The following CSGALNACT1 variants were observed in gnomAD, a reference collection of about 807,000 sequenced individuals.
The protein encoded by CSGALNACT1 is chondroitin sulfate N-acetylgalactosaminyltransferase 1, also known as beta4GalNAcT-1.
In CSGALNACT1, 52 loss-of-function variants were observed where a neutral mutation model predicts 51.0. The ratio of observed to expected loss-of-function variants is 1.02; its 90% CI spans 0.82 to 1.29. The LOEUF (loss-of-function observed/expected upper bound fraction) is 1.29, where lower values mean the gene tolerates loss of function less well. CSGALNACT1 is among the 50% of genes most tolerant of loss of function. The probability of loss-of-function intolerance (pLI) is 0.00; values close to 1 mark genes in which losing one functional copy is unlikely to be tolerated. For synonymous variants in CSGALNACT1, 341 were observed against 254.4 expected (o/e 1.34, Z -3.24); for missense variants, 935 against 679.2 (o/e 1.38, Z -4.19).
intron 2 of CSGALNACT1, among the ~76,000 whole-genome samples, chr8:19,598,575 T>A (rs886727919): frequency 2.0e-5 from 3 of 152,206 alleles, no homozygotes; most frequent in African/African-American, 7.2e-5. Flanking sequence ...CTTCCAAAAA[T>A]GATTGCGTCA....
chr8:19,713,397 T>C (rs1462074385), intron 1 of CSGALNACT1, among the ~76,000 whole-genome samples: 3 of 152,176 alleles, frequency 2.0e-5, no homozygotes, highest in East Asian at 1.9e-4. Context: ...TAAAGAGGGA[T>C]GAAGACTTAG....
At chr8:19,659,990 C>T (rs1423204218) in intron 1 of CSGALNACT1, among the ~76,000 whole-genome samples, 2 of 152,228 alleles carry the variant, frequency 1.3e-5, no homozygotes, top group East Asian at 3.8e-4. Context: ...AGTTCATTTA[C>T]TACTCTAAGA....
intron 1 of CSGALNACT1, among the ~76,000 whole-genome samples, chr8:19,705,875 AAGC>A (rs759532164): frequency 6.6e-6 from 1 of 152,212 alleles, no homozygotes; most frequent in Non-Finnish European, 1.5e-5. Context: ...ATGCTAGTTA[AAGC>A]TGAATAATCG....
At chr8:19,613,183 C>T (rs1017596900) in intron 1 of CSGALNACT1, among the ~76,000 whole-genome samples, 1 of 151,966 alleles carries the variant, frequency 6.6e-6, no homozygotes. Context: ...ATAATTCTAC[C>T]TATATGTCAG....
chr8:19,600,574 T>C (rs960889843), intron 2 of CSGALNACT1, among the ~76,000 whole-genome samples: 4 of 152,234 alleles, frequency 2.6e-5, no homozygotes, highest in Non-Finnish European at 4.4e-5. Flanking sequence ...CCTGAATTAC[T>C]TAAGCCTCTT....
intron 4 of CSGALNACT1, among the ~76,000 whole-genome samples, chr8:19,502,960 G>C (rs1313049995): frequency 2.9e-5 from 3 of 103,106 alleles, no homozygotes; most frequent in African/African-American, 8.0e-5. Context: ...ATCCCACTTT[G>C]TTCTGAAACA....
intron 4 of CSGALNACT1, among the ~76,000 whole-genome samples, chr8:19,474,269 G>A (rs966432137): frequency 2.0e-5 from 3 of 151,978 alleles, no homozygotes; most frequent in Non-Finnish European, 4.4e-5. Flanking sequence ...TATGTGAAAA[G>A]CACATTTGTA....
intron 1 of CSGALNACT1, among the ~76,000 whole-genome samples, chr8:19,621,863 T>C (rs904792772): frequency 3.3e-5 from 5 of 152,252 alleles, no homozygotes; most frequent in Admixed American, 1.3e-4. Context: ...GTCAGATAAT[T>C]GTTTCTGATA....
At chr8:19,567,515 C>A (rs1456730009) in intron 3 of CSGALNACT1, among the ~76,000 whole-genome samples, 1 of 152,182 alleles carries the variant, frequency 6.6e-6, no homozygotes, top group Non-Finnish European at 1.5e-5. Flanking sequence ...ACAACTCTAC[C>A]ATAGACATTA....
At chr8:19,511,768 A>T (rs1183233855) in intron 3 of CSGALNACT1, among the ~76,000 whole-genome samples, 1 of 152,172 alleles carries the variant, frequency 6.6e-6, no homozygotes, top group Non-Finnish European at 1.5e-5. Context: ...TATAAAGAAA[A>T]GAGGTTTAAT....
At chr8:19,666,805 A>C (rs866239609) in intron 1 of CSGALNACT1, among the ~76,000 whole-genome samples, 1 of 21,100 alleles carries the variant, frequency 4.7e-5, no homozygotes, top group African/African-American at 3.3e-4. Context: ...GAAAGAAAGA[A>C]AGAAAGAGAG....
rs377100659 is a variant in CSGALNACT1, at chr8:19,455,839, G to A, written c.851+2587C>T. Among the ~76,000 whole-genome samples the A allele has an allele frequency of 5.3e-5, 8 of 152,312 alleles. No individual in the cohort carries two copies. In the East Asian group the frequency reaches 1.5e-3, roughly 29 times the overall value. ...TGCATTTGCAGCTTCTGCTATTAGT[G>A]AAAGTAGGCACCGCATCTTCAATTC... is the stretch of plus-strand genomic sequence containing the variant. On this transcript the variant is annotated intron_variant, in intron 5 of 9. Coordinates refer to ENST00000454498, the Ensembl canonical transcript of CSGALNACT1.
chr8:19,705,879 TGAA>T (rs769795897), intron 1 of CSGALNACT1, among the ~76,000 whole-genome samples: 1 of 152,220 alleles, frequency 6.6e-6, no homozygotes, highest in Non-Finnish European at 1.5e-5. Context: ...TAGTTAAAGC[TGAA>T]TAATCGAATG....
intron 3 of CSGALNACT1, among the ~76,000 whole-genome samples, chr8:19,521,753 G>A (rs1207338389): frequency 2.0e-5 from 3 of 152,286 alleles, no homozygotes; most frequent in East Asian, 3.9e-4. Context: ...ACACACACAA[G>A]AGAAGTTCTA....
rs576385612 is a variant in CSGALNACT1 at position 19,648,637 on chromosome 8, G to A, written c.-544+33836C>T. Among the ~76,000 whole-genome samples the A allele has an allele frequency of 3.3e-4, 50 of 152,152 alleles. No individual in the cohort carries two copies. In the South Asian group the frequency reaches 9.3e-3, roughly 28 times the overall value. The stretch of plus-strand genomic sequence containing the variant: ...AGCCTGGGCCACATGGTGAAACCCC[G>A]TCTCTACAAAAAGTACTAAAATTAG... On this transcript the variant is annotated intron_variant, in intron 1 of 9. Transcript: ENST00000332246.
At chr8:19,577,113 C>A (rs1383183541) in intron 3 of CSGALNACT1, among the ~76,000 whole-genome samples, 1 of 152,276 alleles carries the variant, frequency 6.6e-6, no homozygotes, top group African/African-American at 2.4e-5. Context: ...AAGAAGATCT[C>A]CTCTTATGTG....
intron 6 of CSGALNACT1, among the ~76,000 whole-genome samples, chr8:19,437,246 T>A (rs1319739997): frequency 6.6e-6 from 1 of 151,836 alleles, no homozygotes; most frequent in Non-Finnish European, 1.5e-5. Flanking sequence ...GGGTTGAGGT[T>A]TGAATTAACA....
chr8:19,427,884 A>G (rs766986174), intron 6 of CSGALNACT1, among the ~76,000 whole-genome samples: 4 of 152,098 alleles, frequency 2.6e-5, no homozygotes, highest in Non-Finnish European at 4.4e-5. Flanking sequence ...AACTGTGCAC[A>G]AGGCAAGTGA....
chr8:19,404,754 G>A (rs765576788), exon 10 of CSGALNACT1: 9 of 454,496 alleles, frequency 2.0e-5, no homozygotes, highest in South Asian at 1.4e-4. Context: ...TACTTCTGAG[G>A]AGAAAATGTG....
Sources: gnomAD v4.1 joint callset for allele counts (sites outside exome capture counted in the v4.1 genomes callset) on GRCh38, gnomAD v4.1.1 for gene constraint, MANE v1.5 for transcripts, NCBI Gene and HGNC (gene_info 2026-07-23, HGNC 2026-07-21) for gene names.